The following USP14 variants were observed in gnomAD, a reference collection of about 807,000 sequenced individuals.
USP14 encodes ubiquitin specific peptidase 14.
USP14 carries 38 observed loss-of-function variants against 76.5 expected under a neutral mutation model. The ratio of observed to expected loss-of-function variants is 0.50; its 90% CI spans 0.38 to 0.65. The LOEUF is 0.65. Among genes scored for constraint, USP14 ranks in the 30% least tolerant of loss-of-function variants. The pLI, the probability that USP14 is intolerant of heterozygous loss-of-function variation, is 0.00. For synonymous variants in USP14, 192 were observed against 191.7 expected, an observed-to-expected ratio of 1.00 and a Z score of -0.01; for missense variants, 467 against 586.5, an observed-to-expected ratio of 0.80 and a Z score of 2.10.
At chr18:161,799 T>G (rs529379667) in intron 1 of USP14, among the ~76,000 whole-genome samples, 1 of 152,336 alleles carries the variant, frequency 6.6e-6, no homozygotes, top group Non-Finnish European at 1.5e-5. Context: ...ATATATATCC[T>G]TGGGTTTTAA....
At position 179,037 on chromosome 18, in the gene USP14, T is replaced by C. The variant is rs749878203; in HGVS notation, c.300T>C (p.Ala100=). 6.3e-7 allele frequency: 1 copy of C among 1,594,512 alleles called. No individual in the cohort carries two copies. The highest frequency in any genetic ancestry group is 1.4e-5 in the African/African-American group (1 of 73,946). ...EDMTEEQLAS[A]MELPCGLTNL... Reference sequence around the variant, plus strand: ...TGACAGAAGAACAGTTAGCATCTGCTGTAAGACACACCAGATTTTATGTGT... The same window carrying C: ...TGACAGAAGAACAGTTAGCATCTGCCGTAAGACACACCAGATTTTATGTGT... Residue 100 remains alanine (A), a splice_region_variant and synonymous_variant, in exon 4 of 16, where the codon GCT becomes GCC. Transcript: ENST00000261601.
chr18:184,449 T>G (rs953759356), intron 5 of USP14, among the ~76,000 whole-genome samples: 8 of 152,132 alleles, frequency 5.3e-5, no homozygotes, highest in African/African-American at 1.9e-4. Flanking sequence ...CTTTGGCAGG[T>G]TCTATAGAGT....
At chr18:205,591 T>A (rs1910507572) in intron 13 of USP14, among the ~76,000 whole-genome samples, 1 of 152,126 alleles carries the variant, frequency 6.6e-6, no homozygotes, top group Admixed American at 6.6e-5. Flanking sequence ...CTGGGCAACG[T>A]AGTGAAACCC....
chr18:183,382 A>G (rs1245639439), intron 5 of USP14, among the ~76,000 whole-genome samples: 2 of 149,800 alleles, frequency 1.3e-5, no homozygotes, highest in Admixed American at 6.6e-5. Context: ...TATTTATCTT[A>G]TAAAAGTACT....
intron 13 of USP14, among the ~76,000 whole-genome samples, chr18:209,477 T>C (rs1041723170): frequency 6.6e-6 from 1 of 152,236 alleles, no homozygotes; most frequent in Non-Finnish European, 1.5e-5. Flanking sequence ...CATACCTCTT[T>C]AATGTAGGTA....
At chr18:169,360 CAAAAAAA>C (rs11336218) in intron 3 of USP14, among the ~76,000 whole-genome samples, 3 of 79,386 alleles carry the variant, frequency 3.8e-5, no homozygotes, top group African/African-American at 9.7e-5. Context: ...GACTCTACCT[CAAAAAAA>C]AAAAAAAAAA....
At chr18:162,132 C>T (rs1258896193) in intron 1 of USP14, among the ~76,000 whole-genome samples, 1 of 152,008 alleles carries the variant, frequency 6.6e-6, no homozygotes, top group Non-Finnish European at 1.5e-5. Context: ...TTTCTTTGTC[C>T]ATTAATTGGT....
intron 3 of USP14, among the ~76,000 whole-genome samples, chr18:173,508 T>C (rs2144224557): frequency 6.6e-6 from 1 of 152,146 alleles, no homozygotes; most frequent in South Asian, 2.1e-4. Context: ...GTCTCCCAGG[T>C]TCAAGAGATT....
At chr18:183,155 T>G (rs895076904) in intron 5 of USP14, among the ~76,000 whole-genome samples, 1 of 152,202 alleles carries the variant, frequency 6.6e-6, no homozygotes, top group African/African-American at 2.4e-5. Context: ...CCTCTTATCC[T>G]TGGATGATAA....
At chr18:159,952 C>G (rs1334632067) in intron 1 of USP14, among the ~76,000 whole-genome samples, 1 of 152,132 alleles carries the variant, frequency 6.6e-6, no homozygotes. Flanking sequence ...CAGCAAAAAG[C>G]TCTATATTAA....
intron 5 of USP14, among the ~76,000 whole-genome samples, chr18:192,345 C>T (rs1910113575): frequency 6.6e-6 from 1 of 152,120 alleles, no homozygotes; most frequent in Non-Finnish European, 1.5e-5. Flanking sequence ...GGGTGGATCA[C>T]CTGAGGTCAG....
intron 2 of USP14, 58 bp from the exon 3 acceptor site, chr18:166,729 A>G: frequency 6.7e-7 from 1 of 1,488,914 alleles, no homozygotes; most frequent in Non-Finnish European, 9.3e-7. Flanking sequence ...ATTGATTATT[A>G]GATTGTGTTC....
At chr18:192,684 G>T (rs1435784957) in intron 5 of USP14, among the ~76,000 whole-genome samples, 158 bp from the exon 6 acceptor site, 1 of 152,050 alleles carries the variant, frequency 6.6e-6, no homozygotes, top group Non-Finnish European at 1.5e-5. Context: ...CATATTTCTG[G>T]TCATGCAAGA....
chr18:186,074 AC>A (rs1909921269), intron 5 of USP14, among the ~76,000 whole-genome samples: 1 of 152,164 alleles, frequency 6.6e-6, no homozygotes, highest in Non-Finnish European at 1.5e-5. Context: ...AGAAAAGTCT[AC>A]ATATTTGATA....
intron 1 of USP14, among the ~76,000 whole-genome samples, chr18:159,666 A>G (rs893311313): frequency 1.3e-5 from 2 of 152,188 alleles, no homozygotes; most frequent in Non-Finnish European, 2.9e-5. Context: ...CGAATTCTTA[A>G]TGATTGCCCA....
intron 9 of USP14, 52 bp downstream of exon 9, chr18:198,184 C>T: frequency 4.2e-6 from 6 of 1,433,542 alleles, no homozygotes; most frequent in South Asian, 1.4e-5. Context: ...TTAGAATTGG[C>T]ATAAATAGCA....
chr18:199,164 A>G, intron 9 of USP14, 38 bp from the exon 10 acceptor site: 1 of 1,317,518 alleles, frequency 7.6e-7, no homozygotes, highest in South Asian at 1.2e-5. Flanking sequence ...TAACAAATTG[A>G]ATACCCGTTG....
chr18:187,561 G>A (rs891997291), intron 5 of USP14, among the ~76,000 whole-genome samples: 3 of 152,112 alleles, frequency 2.0e-5, no homozygotes, highest in African/African-American at 7.2e-5. Context: ...AGGAATATAG[G>A]CTGTCTCCCC....
chr18:213,487 G>A lies in USP14; in HGVS notation c.*2203G>A, dbSNP rs1030820371. On this transcript the variant is annotated 3_prime_UTR_variant, in exon 16 of 16. Coordinates refer to ENST00000261601, the MANE Select transcript of USP14 (RefSeq NM_005151.4). ...GCTATTTTAGAATTCAGCCTTGCCT[G>A]TAAGGTCTTTGAGAAGGGAGAGGAG... The A allele has an allele frequency of 1.3e-5, 2 of 151,992 alleles. No individual in the cohort carries two copies. The highest frequency in any genetic ancestry group is 4.8e-5 in the African/African-American group (2 of 41,242). The allele number at this position is 151,992 out of a possible 1,614,324, so 9.4% of individuals were successfully genotyped here. A position where few individuals can be genotyped will look rare whatever the true frequency, so the allele number is the denominator to read the frequency against.
Sources: allele counts gnomAD v4.1 joint callset (sites outside exome capture counted in the v4.1 genomes callset), GRCh38; gene constraint gnomAD v4.1.1; transcripts MANE v1.5; gene names NCBI Gene and HGNC (gene_info 2026-07-23, HGNC 2026-07-21).